Variants in KCNQ1 observed in about 807,000 individuals in gnomAD.
KCNQ1 encodes potassium voltage-gated channel subfamily Q member 1, also known as potassium voltage-gated channel subfamily KQT member 1.
In KCNQ1, 49 loss-of-function variants were observed where a neutral mutation model predicts 72.4. That is an observed-to-expected ratio of 0.68 (90% CI 0.54 to 0.86). The LOEUF (loss-of-function observed/expected upper bound fraction) is 0.86, where lower values mean the gene tolerates loss of function less well. Among genes scored for constraint, KCNQ1 ranks in the 40% least tolerant of loss-of-function variants. The probability of loss-of-function intolerance (pLI) is 0.00; values close to 1 mark genes in which losing one functional copy is unlikely to be tolerated. For missense variants in KCNQ1, 790 were observed against 945.1 expected (o/e 0.84, Z 2.15); for synonymous variants, 450 against 412.6 (o/e 1.09, Z -1.10).
At chr11:2,555,741 C>T (rs1481627888) in intron 2 of KCNQ1, among the ~76,000 whole-genome samples, 1 of 152,386 alleles carries the variant, frequency 6.6e-6, no homozygotes, top group African/African-American at 2.4e-5. Flanking sequence ...TGCCCCTGGG[C>T]CTTTTCTTCT....
intron 1 of KCNQ1, among the ~76,000 whole-genome samples, chr11:2,460,156 C>T (rs1175374395): frequency 3.9e-5 from 6 of 152,154 alleles, no homozygotes; most frequent in African/African-American, 1.4e-4. Context: ...TGCAACAGGG[C>T]CCAGACCCCT....
intron 15 of KCNQ1, among the ~76,000 whole-genome samples, chr11:2,821,084 C>T (rs376976419): frequency 1.3e-5 from 2 of 152,222 alleles, no homozygotes; most frequent in Non-Finnish European, 2.9e-5. Context: ...AGGCCAGGTC[C>T]GGCCTGCTCT....
In KCNQ1 at chr11:2,781,164, T is replaced by A. The variant is rs1237508563; in HGVS notation, c.1794+3127T>A. Among the ~76,000 whole-genome samples the A allele has an allele frequency of 2.0e-5, 3 of 152,170 alleles. No homozygotes were observed. The highest frequency in any genetic ancestry group is 4.8e-5 in the African/African-American group (2 of 41,444). ...CTGCCTCATGCCCTTTCTGTTTTCATCTTAGATTATTGTCTTCTTTATCCT... is the reference window on the plus strand; with the variant it reads ...CTGCCTCATGCCCTTTCTGTTTTCAACTTAGATTATTGTCTTCTTTATCCT... On this transcript the variant is annotated intron_variant, in intron 15 of 15. Transcript: ENST00000155840. The surrounding 1 kb of genome is among the most constrained non-coding windows in gnomAD (Gnocchi z 6.6).
Position 2,471,577 on chromosome 11 carries a change from T to C in KCNQ1, c.386+26093T>C, listed in dbSNP as rs1846457668. The stretch of plus-strand genomic sequence containing the variant: ...ACAGGCACATGTGTATGTGTGTGTG[T>C]GCACGTGTGTATGGGTGCGTGTGCA... On this transcript the variant is annotated intron_variant, in intron 1 of 15. Transcript: ENST00000155840. This position sits in a 1 kb window ranked among gnomAD's most constrained non-coding sequence, Gnocchi z 4.8. Among the ~76,000 whole-genome samples, 1 of 145,298 alleles carries C rather than the reference T, an allele frequency of 6.9e-6. No individual in the cohort carries two copies. Among genetic ancestry groups the C allele is most frequent in the Admixed American group, 6.8e-5 (1 of 14,712 alleles).
At chr11:2,805,011 C>A (rs1257967032) in intron 15 of KCNQ1, among the ~76,000 whole-genome samples, 5 of 152,180 alleles carry the variant, frequency 3.3e-5, no homozygotes, top group Admixed American at 6.5e-5. Context: ...AATGAGGCCC[C>A]CGGGGTAAAA....
rs78749685 is a variant in KCNQ1 at position 2,693,171 on chromosome 11, T to C, written c.1514+31090T>C. On this transcript the variant is annotated intron_variant, in intron 11 of 15. Coordinates refer to ENST00000155840, the MANE Select transcript of KCNQ1 (RefSeq NM_000218.3). Reference sequence around the variant, plus strand: ...CAGTCTACACTCTGTGATCCACTCATGAATATCTGGTCTGGCTCTGCGTTC... The same window carrying C: ...CAGTCTACACTCTGTGATCCACTCACGAATATCTGGTCTGGCTCTGCGTTC... 2,001 of 398,674 alleles carry C rather than the reference T, an allele frequency of 5.0e-3. 7 individuals are homozygous for C. Among genetic ancestry groups the C allele is most frequent in the Non-Finnish European group, 6.2e-3 (1,395 of 226,072 alleles). 24.7% of individuals were successfully genotyped at this position (398,674 alleles called of 1,614,324 possible).
intron 1 of KCNQ1, 120 bp downstream of exon 1, chr11:2,445,604 G>A: frequency 8.5e-7 from 1 of 1,174,254 alleles, no homozygotes; most frequent in Non-Finnish European, 1.2e-6. Context: ...GAGGAGGGAA[G>A]GAAGTGGGGA....
At chr11:2,505,705 C>T (rs1847093095) in intron 1 of KCNQ1, among the ~76,000 whole-genome samples, 1 of 152,208 alleles carries the variant, frequency 6.6e-6, no homozygotes, top group African/African-American at 2.4e-5. Context: ...AGCCTCGAAC[C>T]TTTAAGTGTG....
At position 2,764,273 on chromosome 11, in the gene KCNQ1, G is replaced by A. The variant is rs140967478; in HGVS notation, c.1515-4571G>A. 4.3e-4 allele frequency among the ~76,000 whole-genome samples: 65 copies of A among 151,590 alleles called. No individual in the cohort carries two copies. In the East Asian group the frequency reaches 9.7e-3, roughly 23 times the overall value. On this transcript the variant is annotated intron_variant, in intron 11 of 15. Transcript: ENST00000155840. The surrounding 1 kb of genome is among the most constrained non-coding windows in gnomAD (Gnocchi z 4.8). The stretch of plus-strand genomic sequence containing the variant: ...GTGTTTTTAATTATGAACAGGTCTC[G>A]CTTTATCAAATGCTTTCTTACAATC...
Position 2,783,565 on chromosome 11 carries a change from C to T in KCNQ1, c.1794+5528C>T, listed in dbSNP as rs188231985. On this transcript the variant is annotated intron_variant, in intron 15 of 15. Coordinates refer to ENST00000155840, the MANE Select transcript of KCNQ1 (RefSeq NM_000218.3). This position sits in a 1 kb window ranked among gnomAD's most constrained non-coding sequence, Gnocchi z 5.2. ...AGGCATAGGGCAAATTTCTGTTTAA[C>T]TTTCTAAGAAACTTCTAAACTGTTT... Among the ~76,000 whole-genome samples, 4 of 152,184 alleles carry T rather than the reference C, an allele frequency of 2.6e-5. No individual in the cohort carries two copies. In the East Asian group the frequency reaches 7.7e-4, roughly 29 times the overall value.
Position 2,703,319 on chromosome 11 carries a change from G to T in KCNQ1, c.1514+41238G>T, listed in dbSNP as rs988386728. On this transcript the variant is annotated intron_variant, in intron 11 of 15. Coordinates refer to ENST00000155840, the MANE Select transcript of KCNQ1 (RefSeq NM_000218.3). The surrounding 1 kb of genome is among the most constrained non-coding windows in gnomAD (Gnocchi z 6.4). ...TGTGAGACAGAGAGCCTGGGCACCT[G>T]GTGGCCACTCCCTGAGCTCCCCACG... Among the ~76,000 whole-genome samples the T allele has an allele frequency of 6.6e-6, 1 of 152,198 alleles. No homozygotes were observed. Among genetic ancestry groups the T allele is most frequent in the African/African-American group, 2.4e-5 (1 of 41,444 alleles).
chr11:2,837,053 G>A (rs769196256), intron 15 of KCNQ1, among the ~76,000 whole-genome samples: 6 of 152,186 alleles, frequency 3.9e-5, no homozygotes, highest in Non-Finnish European at 8.8e-5. Context: ...GGGGGCACGG[G>A]GCATGGCAGC....
In KCNQ1 at chr11:2,731,362, C is replaced by T. The variant is rs1014498482; in HGVS notation, c.1515-37482C>T. Among the ~76,000 whole-genome samples, 8 of 152,342 alleles carry T rather than the reference C, an allele frequency of 5.3e-5. No individual in the cohort carries two copies. In the South Asian group the frequency reaches 8.3e-4, roughly 16 times the overall value. On this transcript the variant is annotated intron_variant, in intron 11 of 15. Transcript: ENST00000155840. ...CCCACAGTCGGCATGCCAGACCCCT[C>T]GGGAATTCAGGCCTTGGTGAGTCTG...
At chr11:2,580,313 G>A (rs1213373630) in intron 6 of KCNQ1, among the ~76,000 whole-genome samples, 2 of 152,100 alleles carry the variant, frequency 1.3e-5, no homozygotes, top group African/African-American at 2.4e-5. Context: ...TGCCCCTGAC[G>A]GAGAAGCCTG....
At chr11:2,521,570 G>C (rs568812631) in intron 1 of KCNQ1, 1 of 470,616 alleles carries the variant, frequency 2.1e-6, no homozygotes. Context: ...TTCGACCCTG[G>C]GTGAGTTCCA....
rs1850126108 is a variant in KCNQ1, at chr11:2,668,637, T to A, written c.1514+6556T>A. 2.5e-6 allele frequency: 1 copy of A among 398,534 alleles called. No homozygotes were observed. The highest frequency in any genetic ancestry group is 4.4e-6 in the Non-Finnish European group (1 of 226,080). 24.7% of individuals were successfully genotyped at this position (398,534 alleles called of 1,614,324 possible). ...CTTCTGCCTGTTTTATGTTTATTTA[T>A]GGTCCTATATATCTTTAGATATTCT... is the stretch of plus-strand genomic sequence containing the variant. On this transcript the variant is annotated intron_variant, in intron 11 of 15. Coordinates refer to ENST00000155840, the MANE Select transcript of KCNQ1 (RefSeq NM_000218.3). This position sits in a 1 kb window ranked among gnomAD's most constrained non-coding sequence, Gnocchi z 4.3.
At chr11:2,675,343 T>A in intron 11 of KCNQ1, 1 of 398,638 alleles carries the variant, frequency 2.5e-6, no homozygotes, top group East Asian at 3.6e-5. Flanking sequence ...CATATTTTTT[T>A]AATGAGTTTA....
In KCNQ1 at chr11:2,784,358, TTGG is replaced by T. The variant is rs1405022732; in HGVS notation, c.1794+6323_1794+6325del. Among the ~76,000 whole-genome samples, 2 of 151,986 alleles carry T rather than the reference TTGG, an allele frequency of 1.3e-5. No homozygotes were observed. The highest frequency in any genetic ancestry group is 2.9e-5 in the Non-Finnish European group (2 of 67,830). On this transcript the variant is annotated intron_variant, in intron 15 of 15. Coordinates refer to ENST00000155840, the MANE Select transcript of KCNQ1 (RefSeq NM_000218.3). This position sits in a 1 kb window ranked among gnomAD's most constrained non-coding sequence, Gnocchi z 4.7. The stretch of plus-strand genomic sequence containing the variant: ...TTTCTGGATTTTCAATTCTATTATG[TTGG>T]TCTATATGCCTTTCTGTAAGTCTAT...
chr11:2,821,024 T>G (rs1847723140), intron 15 of KCNQ1, among the ~76,000 whole-genome samples: 2 of 152,220 alleles, frequency 1.3e-5, no homozygotes, highest in Admixed American at 6.5e-5. Flanking sequence ...TAACCTGCCT[T>G]GCTTTTGCAG....
Sources: allele counts gnomAD v4.1 joint callset (sites outside exome capture counted in the v4.1 genomes callset), GRCh38; gene constraint gnomAD v4.1.1; non-coding constraint Gnocchi (gnomAD v3.1); transcripts MANE v1.5; gene names NCBI Gene and HGNC (gene_info 2026-07-23, HGNC 2026-07-21).